CTTNBP2: variants seen among roughly 807,000 people sequenced by gnomAD.
CTTNBP2 encodes cortactin binding protein 2.
Under a neutral mutation model 156.9 loss-of-function variants are expected in CTTNBP2, and 108 were observed. The ratio of observed to expected loss-of-function variants is 0.69; its 90% CI spans 0.59 to 0.81. The LOEUF (loss-of-function observed/expected upper bound fraction) is 0.81. CTTNBP2 is among the 30% of genes least tolerant of loss of function. The pLI, the probability that CTTNBP2 is intolerant of heterozygous loss-of-function variation, is 0.00. For synonymous variants in CTTNBP2, 767 were observed against 751.8 expected (o/e 1.02, Z -0.33); for missense variants, 1,924 against 2,035.4 (o/e 0.95, Z 1.05).
intron 4 of CTTNBP2, among the ~76,000 whole-genome samples, chr7:117,788,116 A>G (rs1487906484): frequency 6.6e-6 from 1 of 152,156 alleles, no homozygotes; most frequent in Non-Finnish European, 1.5e-5. Context: ...CTGGGACCAC[A>G]GGCACACACT....
chr7:117,724,219 T>G (rs889921922), intron 19 of CTTNBP2, among the ~76,000 whole-genome samples: 3 of 152,044 alleles, frequency 2.0e-5, no homozygotes, highest in Non-Finnish European at 4.4e-5. Context: ...AATGGAGAAA[T>G]ATGCCAATGA....
Position 117,725,143 on chromosome 7 carries a change from G to T in CTTNBP2, c.4170C>A (p.His1390Gln). The T allele has an allele frequency of 6.2e-7, 1 of 1,613,652 alleles. No individual in the cohort carries two copies. Among genetic ancestry groups the T allele is most frequent in the Non-Finnish European group, 8.5e-7 (1 of 1,180,022 alleles). ...PGFGQTTAKRHPSQGQQAVVK... is the reference protein window; with the variant it reads ...PGFGQTTAKRQPSQGQQAVVK... ...CCACAGCCTGCTGTCCTTGGCTAGG[G>T]TGTCTTTTAGCAGTTGTCTGCCCAA... Residue 1390 changes from histidine to glutamine, a missense_variant, in exon 18 of 23, where the codon CAC becomes CAA. Physicochemically the swap from His to Gln is conservative, Grantham distance 24 (BLOSUM62 0). Transcript: ENST00000160373.
At position 117,816,769 on chromosome 7, in the gene CTTNBP2, A is replaced by G. The variant is rs116409229; in HGVS notation, c.190-5780T>C. 3.3e-3 allele frequency among the ~76,000 whole-genome samples: 498 copies of G among 152,276 alleles called. 3 individuals carry two copies. Among genetic ancestry groups the G allele is most frequent in the African/African-American group, 0.012 (481 of 41,570 alleles). The stretch of plus-strand genomic sequence containing the variant: ...ATTTTTAATGTATTACATTATGTTT[A>G]ATAAAGGCAGATCAACAACATAGAC... On this transcript the variant is annotated intron_variant, in intron 2 of 22. Transcript: ENST00000160373.
intron 14 of CTTNBP2, among the ~76,000 whole-genome samples, chr7:117,745,038 G>A (rs1375221273): frequency 6.6e-6 from 1 of 152,154 alleles, no homozygotes; most frequent in African/African-American, 2.4e-5. Flanking sequence ...ACTAAAGTCT[G>A]GTCCATTTCA....
chr7:117,832,831 C>T (rs1801697327), intron 2 of CTTNBP2, among the ~76,000 whole-genome samples: 1 of 145,622 alleles, frequency 6.9e-6, no homozygotes, highest in African/African-American at 2.6e-5. Context: ...ACTGCAACCT[C>T]TGCCTCCTGG....
At chr7:117,790,559 A>G (rs1798934769) in intron 4 of CTTNBP2, among the ~76,000 whole-genome samples, 1 of 152,106 alleles carries the variant, frequency 6.6e-6, no homozygotes, top group South Asian at 2.1e-4. Context: ...AACTAAACTT[A>G]GAACAGATTT....
chr7:117,834,838 G>A (rs1031939774), intron 2 of CTTNBP2, among the ~76,000 whole-genome samples: 1 of 152,192 alleles, frequency 6.6e-6, no homozygotes, highest in Non-Finnish European at 1.5e-5. Flanking sequence ...GGATAGAAAT[G>A]CATGTACTAA....
chr7:117,777,552 C>T lies in CTTNBP2; in HGVS notation c.2737G>A (p.Gly913Ser). The stretch of plus-strand genomic sequence containing the variant: ...GCAGCAATGTGGGCAGCAGTCCAGC[C>T]TTCTCTGTTGGCGTGGTTAATGAGG... ...ADLINHANRE[G>S]WTAAHIAASK... is the part of the protein sequence containing the mutation. Residue 913 changes from glycine (G) to serine (S), a missense_variant, in exon 8 of 23, where the codon GGC (glycine) becomes AGC (serine). By Grantham distance (56) the Gly-to-Ser change is moderately conservative. Coordinates refer to ENST00000160373, the MANE Select transcript of CTTNBP2 (RefSeq NM_033427.3). The T allele has an allele frequency of 1.2e-6, 2 of 1,613,782 alleles. No individual in the cohort carries two copies. The highest frequency in any genetic ancestry group is 1.7e-6 in the Non-Finnish European group (2 of 1,179,902).
chr7:117,800,988 TAGA>T (rs1489073896), intron 3 of CTTNBP2, among the ~76,000 whole-genome samples: 2 of 152,014 alleles, frequency 1.3e-5, no homozygotes, highest in African/African-American at 2.4e-5. Flanking sequence ...TGAGAATATA[TAGA>T]AGAAGCCAGC....
chr7:117,781,175 T>C (rs1798417356), intron 6 of CTTNBP2, among the ~76,000 whole-genome samples: 1 of 152,224 alleles, frequency 6.6e-6, no homozygotes, highest in East Asian at 1.9e-4. Flanking sequence ...AAACTCACTG[T>C]CCTGAGAATC....
intron 14 of CTTNBP2, among the ~76,000 whole-genome samples, chr7:117,738,340 A>G (rs764074891): frequency 6.6e-6 from 1 of 152,204 alleles, no homozygotes; most frequent in Non-Finnish European, 1.5e-5. Flanking sequence ...TGGTTCTGGG[A>G]ATCAGTGGAA....
intron 2 of CTTNBP2, among the ~76,000 whole-genome samples, chr7:117,840,156 C>G (rs887864266): frequency 1.3e-5 from 2 of 152,114 alleles, no homozygotes; most frequent in African/African-American, 4.8e-5. Context: ...CTGAGCATCA[C>G]AGTTTTAATG....
rs61533705 is a variant in CTTNBP2 at position 117,865,671 on chromosome 7, CAAAAAA to C, written c.82-4361_82-4356del. On this transcript the variant is annotated intron_variant, in intron 1 of 22. Transcript: ENST00000160373. ...TGGTGACAGAACAAGACTCCATCTC[CAAAAAA>C]AAAAAAAAAAAAAGAAAAGAAAAAA... Among the ~76,000 whole-genome samples the C allele has an allele frequency of 7.0e-3, 522 of 74,506 alleles. 5 individuals carry two copies. The highest frequency in any genetic ancestry group is 0.026 in the African/African-American group (500 of 19,236). The allele number at this position is 74,506 out of a possible 152,430, so 48.9% of individuals were successfully genotyped here.
chr7:117,728,550 C>T (rs778779818), intron 16 of CTTNBP2, among the ~76,000 whole-genome samples: 28 of 152,266 alleles, frequency 1.8e-4, no homozygotes, highest in Non-Finnish European at 3.8e-4. Flanking sequence ...GAAAAAATAA[C>T]TCGCCCAAGG....
intron 14 of CTTNBP2, among the ~76,000 whole-genome samples, chr7:117,745,072 A>T (rs1315091043): frequency 6.6e-6 from 1 of 152,214 alleles, no homozygotes; most frequent in East Asian, 1.9e-4. Flanking sequence ...GTCACTAGTT[A>T]TGCTATTCTA....
At chr7:117,741,973 C>CA (rs1796048106) in intron 14 of CTTNBP2, among the ~76,000 whole-genome samples, 1 of 152,204 alleles carries the variant, frequency 6.6e-6, no homozygotes, top group Non-Finnish European at 1.5e-5. Context: ...TGCTAGCCTT[C>CA]AAGGAGCTCA....
At chr7:117,718,194 G>C in intron 21 of CTTNBP2, 75 bp from the exon 22 acceptor site, 1 of 868,224 alleles carries the variant, frequency 1.2e-6, no homozygotes. Context: ...CTAAATGGTG[G>C]AGAAATCACA....
chr7:117,765,315 TC>T (rs1356259873), intron 9 of CTTNBP2, among the ~76,000 whole-genome samples: 7 of 152,310 alleles, frequency 4.6e-5, no homozygotes, highest in African/African-American at 1.7e-4. Context: ...TAAATGCATA[TC>T]CTGTCTTTTT....
intron 2 of CTTNBP2, among the ~76,000 whole-genome samples, chr7:117,813,954 CT>C (rs1800430736): frequency 6.6e-6 from 1 of 152,196 alleles, no homozygotes; most frequent in African/African-American, 2.4e-5. Flanking sequence ...TTGTTCCTCA[CT>C]TTGGTATCTG....
Sources: gnomAD v4.1 joint callset for allele counts (sites outside exome capture counted in the v4.1 genomes callset) on GRCh38, gnomAD v4.1.1 for gene constraint, MANE v1.5 for transcripts, NCBI Gene and HGNC (gene_info 2026-07-23, HGNC 2026-07-21) for gene names.